IL1RAPL2: variants seen among roughly 807,000 people sequenced by gnomAD.
The protein encoded by IL1RAPL2 is interleukin 1 receptor accessory protein like 2.
A neutral mutation model predicts 44.1 loss-of-function variants in IL1RAPL2; 3 were observed. The observed-to-expected ratio is 0.07, with a 90% confidence interval of 0.03 to 0.18. The LOEUF (loss-of-function observed/expected upper bound fraction) is 0.18. IL1RAPL2 is among the 10% of genes least tolerant of loss of function. The pLI, the probability that IL1RAPL2 is intolerant of heterozygous loss-of-function variation, is 1.00. For missense variants in IL1RAPL2, 391 were observed against 496.4 expected, an observed-to-expected ratio of 0.79 and a Z score of 2.02; for synonymous variants, 181 against 178.8, an observed-to-expected ratio of 1.01 and a Z score of -0.10.
At chrX:104,943,487 T>C (rs774871008) in intron 2 of IL1RAPL2, among the ~76,000 whole-genome samples, 1 of 112,297 alleles carries the variant, frequency 8.9e-6, no homozygotes, top group Admixed American at 9.5e-5. Context: ...TCTTTTCTGT[T>C]TCTCCAGTTG....
chrX:105,362,999 C>T (rs182963023), intron 5 of IL1RAPL2, among the ~76,000 whole-genome samples: 1 of 108,622 alleles, frequency 9.2e-6, no homozygotes, highest in African/African-American at 3.3e-5. Context: ...GCAACATCTC[C>T]CTTTGTCTTA....
intron 6 of IL1RAPL2, among the ~76,000 whole-genome samples, chrX:105,595,023 T>C (rs180747220): frequency 1.8e-5 from 2 of 111,974 alleles, no homozygotes; most frequent in Non-Finnish European, 3.8e-5. Context: ...ATTCTGAGAT[T>C]GATAATTAAT....
At chrX:105,121,346 G>T (rs959023357) in intron 2 of IL1RAPL2, among the ~76,000 whole-genome samples, 2 of 111,657 alleles carry the variant, frequency 1.8e-5, no homozygotes, top group African/African-American at 6.5e-5. Flanking sequence ...TGCTGTCTTG[G>T]TAATGCTATA....
chrX:105,766,311 T>C (rs2147600481), intron 10 of IL1RAPL2, among the ~76,000 whole-genome samples: 1 of 111,541 alleles, frequency 9.0e-6, no homozygotes, highest in Non-Finnish European at 1.9e-5. Context: ...ACAAACCACT[T>C]CCCTATCTCT....
At chrX:104,972,334 G>A (rs978435897) in intron 2 of IL1RAPL2, among the ~76,000 whole-genome samples, 2 of 111,653 alleles carry the variant, frequency 1.8e-5, no homozygotes, top group African/African-American at 3.3e-5. Flanking sequence ...AACAGTGGGT[G>A]CAAAAGATAG....
intron 1 of IL1RAPL2, among the ~76,000 whole-genome samples, chrX:104,657,354 C>G (rs994094123): frequency 9.1e-6 from 1 of 109,784 alleles, no homozygotes; most frequent in African/African-American, 3.4e-5. Flanking sequence ...ACAAACCTGA[C>G]AAAAACAAGA....
chrX:104,914,550 T>C lies in IL1RAPL2; in HGVS notation c.82+255555T>C, dbSNP rs184392474. Among the ~76,000 whole-genome samples, 5 of 111,754 alleles carry C rather than the reference T, an allele frequency of 4.5e-5. No individual in the cohort carries two copies. In the East Asian group the frequency reaches 1.4e-3, roughly 31 times the overall value. ...AGAAAAGCAAGTCACAAAACACACA[T>C]GTTGTGATTGCTTTCTTTTTTTATT... On this transcript the variant is annotated intron_variant, in intron 2 of 10. Transcript: ENST00000372582.
chrX:105,461,685 A>T (rs1008023024), intron 5 of IL1RAPL2, among the ~76,000 whole-genome samples: 1 of 111,683 alleles, frequency 9.0e-6, no homozygotes, highest in African/African-American at 3.3e-5. Context: ...ATTTCAGAGA[A>T]CAATCCTATC....
intron 2 of IL1RAPL2, among the ~76,000 whole-genome samples, chrX:105,141,253 A>G (rs1194844642): frequency 9.0e-6 from 1 of 110,994 alleles, no homozygotes. Context: ...AGGAAGGAGT[A>G]TTTGAAGCCC....
At chrX:105,316,425 A>G (rs2034842300) in intron 5 of IL1RAPL2, among the ~76,000 whole-genome samples, 2 of 112,050 alleles carry the variant, frequency 1.8e-5, no homozygotes, top group African/African-American at 3.2e-5. Flanking sequence ...CAGAAAAATG[A>G]AGCAACAATA....
chrX:105,169,420 C>T (rs758099792), intron 2 of IL1RAPL2, among the ~76,000 whole-genome samples: 3 of 106,650 alleles, frequency 2.8e-5, no homozygotes, highest in East Asian at 5.7e-4. Flanking sequence ...AACCATGATC[C>T]CTGAAGTCTC....
chrX:105,200,000 C>T (rs1475341858), intron 3 of IL1RAPL2, among the ~76,000 whole-genome samples: 1 of 111,283 alleles, frequency 9.0e-6, no homozygotes, highest in Non-Finnish European at 1.9e-5. Context: ...TGGCCACTGA[C>T]TTCTACTATG....
Position 105,392,216 on chromosome X carries a change from T to A in IL1RAPL2, c.698-92097T>A, listed in dbSNP as rs942019247. The stretch of plus-strand genomic sequence containing the variant: ...GGTCCTGTTGGCAACTTATTCTGAA[T>A]ACTTAATAGGCTCAATTGGAAGCTA... On this transcript the variant is annotated intron_variant, in intron 5 of 10. Transcript: ENST00000372582. 4.5e-5 allele frequency among the ~76,000 whole-genome samples: 5 copies of A among 110,154 alleles called. No individual in the cohort carries two copies. In the East Asian group the frequency reaches 1.4e-3, roughly 31 times the overall value.
At chrX:105,134,201 A>C (rs2033054760) in intron 2 of IL1RAPL2, among the ~76,000 whole-genome samples, 1 of 112,096 alleles carries the variant, frequency 8.9e-6, no homozygotes, top group Non-Finnish European at 1.9e-5. Flanking sequence ...CATATTAGCT[A>C]ATTATCTGAT....
intron 1 of IL1RAPL2, among the ~76,000 whole-genome samples, chrX:104,633,434 C>A (rs1049753276): frequency 5.4e-5 from 6 of 111,491 alleles, no homozygotes; most frequent in Non-Finnish European, 1.1e-4. Flanking sequence ...TCCTCCTTGT[C>A]CCTCTGGTAG....
At chrX:104,941,175 G>C (rs1446803422) in intron 2 of IL1RAPL2, among the ~76,000 whole-genome samples, 3 of 110,779 alleles carry the variant, frequency 2.7e-5, no homozygotes, top group African/African-American at 9.9e-5. Context: ...GTGTGCACGT[G>C]TCTTTATAGC....
intron 2 of IL1RAPL2, among the ~76,000 whole-genome samples, chrX:104,830,364 G>A (rs949955892): frequency 9.0e-6 from 1 of 111,669 alleles, no homozygotes; most frequent in Admixed American, 9.5e-5. Context: ...ACTATGGTAT[G>A]TAGAATGGTA....
At chrX:105,463,966 A>G (rs1459557635) in intron 5 of IL1RAPL2, among the ~76,000 whole-genome samples, 4 of 112,222 alleles carry the variant, frequency 3.6e-5, no homozygotes, top group Non-Finnish European at 7.5e-5. Context: ...ACTTGTTTAC[A>G]TACTCAAAAT....
chrX:105,634,478 CAAAG>C (rs1055766272), intron 6 of IL1RAPL2, among the ~76,000 whole-genome samples: 5 of 111,112 alleles, frequency 4.5e-5, no homozygotes, highest in Non-Finnish European at 7.6e-5. Context: ...AGGAAAAAAA[CAAAG>C]AAAAATGCCA....
Sources: allele counts gnomAD v4.1 joint callset (sites outside exome capture counted in the v4.1 genomes callset), GRCh38; gene constraint gnomAD v4.1.1; transcripts MANE v1.5; gene names NCBI Gene and HGNC (gene_info 2026-07-23, HGNC 2026-07-21).